The following CALN1 variants were observed in gnomAD, a reference collection of about 807,000 sequenced individuals.
The protein encoded by CALN1 is calcium-binding protein 8.
In CALN1, 17 loss-of-function variants were observed where a neutral mutation model predicts 30.6. The observed-to-expected ratio is 0.56, with a 90% CI of 0.38 to 0.83. The LOEUF (loss-of-function observed/expected upper bound fraction) is 0.83. CALN1 is among the 40% of genes least tolerant of loss of function. CALN1 has a pLI of 0.00. For synonymous variants in CALN1, 156 were observed against 131.4 expected, an observed-to-expected ratio of 1.19 and a Z score of -1.28; for missense variants, 291 against 354.9, an observed-to-expected ratio of 0.82 and a Z score of 1.45.
intron 5 of CALN1, among the ~76,000 whole-genome samples, chr7:71,817,691 T>A (rs959313337): frequency 1.3e-5 from 2 of 151,996 alleles, no homozygotes; most frequent in Non-Finnish European, 2.9e-5. Context: ...AATTTTTGCA[T>A]TTTTAGTAGA....
intron 2 of CALN1, among the ~76,000 whole-genome samples, chr7:72,380,925 G>A (rs1804861493): frequency 6.6e-6 from 1 of 152,156 alleles, no homozygotes; most frequent in Admixed American, 6.5e-5. Context: ...GCCTTTGTGA[G>A]ACTGGGGCAG....
At chr7:71,821,910 C>T (rs981375239) in intron 5 of CALN1, among the ~76,000 whole-genome samples, 2 of 151,552 alleles carry the variant, frequency 1.3e-5, no homozygotes, top group African/African-American at 4.9e-5. Flanking sequence ...ACCTCAGCCT[C>T]CTGAGTAGCT....
At chr7:72,154,664 C>T (rs566898330) in intron 3 of CALN1, among the ~76,000 whole-genome samples, 14 of 152,258 alleles carry the variant, frequency 9.2e-5, no homozygotes, top group Admixed American at 2.0e-4. Flanking sequence ...AAGTCCTAAC[C>T]TCCAGCAGGG....
At chr7:72,051,847 G>C (rs1448343050) in intron 4 of CALN1, among the ~76,000 whole-genome samples, 1 of 152,176 alleles carries the variant, frequency 6.6e-6, no homozygotes, top group Admixed American at 6.5e-5. Context: ...GAAAATACTA[G>C]ATTCCTTCAG....
At chr7:71,970,584 C>CT (rs201279221) in intron 5 of CALN1, among the ~76,000 whole-genome samples, 379 of 143,644 alleles carry the variant, frequency 2.6e-3, no homozygotes, top group East Asian at 4.9e-3. Flanking sequence ...CAAAATATAC[C>CT]TTTTTTTTTT....
chr7:72,038,577 C>A (rs1176942888), intron 4 of CALN1, among the ~76,000 whole-genome samples: 1 of 151,972 alleles, frequency 6.6e-6, no homozygotes, highest in Non-Finnish European at 1.5e-5. Flanking sequence ...AGGCTGAAAC[C>A]CTCTGTGCTG....
chr7:72,227,109 G>C (rs1019344683), intron 3 of CALN1, among the ~76,000 whole-genome samples: 7 of 152,024 alleles, frequency 4.6e-5, no homozygotes, highest in Admixed American at 2.6e-4. Context: ...AGGGTTGAAA[G>C]ACTACTTATT....
chr7:72,012,771 A>G (rs759588493), intron 5 of CALN1, among the ~76,000 whole-genome samples: 19 of 152,102 alleles, frequency 1.2e-4, no homozygotes, highest in Non-Finnish European at 1.9e-4. Context: ...TGGCAGCTGC[A>G]TTAATTTTGA....
chr7:72,155,897 C>T (rs1787640474), intron 3 of CALN1, among the ~76,000 whole-genome samples: 1 of 152,142 alleles, frequency 6.6e-6, no homozygotes, highest in Non-Finnish European at 1.5e-5. Flanking sequence ...ATGGCTCCCT[C>T]CTCCACCTTC....
intron 5 of CALN1, among the ~76,000 whole-genome samples, chr7:71,969,777 GT>G (rs1178636578): frequency 6.6e-6 from 1 of 151,684 alleles, no homozygotes; most frequent in African/African-American, 2.4e-5. Context: ...ATTCTGACTT[GT>G]CCCATTGAAT....
intron 3 of CALN1, among the ~76,000 whole-genome samples, chr7:72,115,551 C>A (rs1037882371): frequency 1.5e-5 from 2 of 130,666 alleles, no homozygotes; most frequent in Non-Finnish European, 3.0e-5. Flanking sequence ...CACAGTGGTG[C>A]GATCTCGACT....
chr7:72,184,380 CTCA>C (rs920921010), intron 3 of CALN1, among the ~76,000 whole-genome samples: 2 of 152,170 alleles, frequency 1.3e-5, no homozygotes, highest in Non-Finnish European at 2.9e-5. Flanking sequence ...ACTACCCTCT[CTCA>C]TGTTGTAAGC....
intron 2 of CALN1, among the ~76,000 whole-genome samples, chr7:72,297,906 C>T (rs1798977008): frequency 6.6e-6 from 1 of 152,172 alleles, no homozygotes; most frequent in African/African-American, 2.4e-5. Context: ...GAGTCTGAAA[C>T]TCCCTTGATC....
chr7:72,368,864 G>A (rs961239281), intron 2 of CALN1, among the ~76,000 whole-genome samples: 6 of 147,028 alleles, frequency 4.1e-5, no homozygotes, highest in Non-Finnish European at 5.9e-5. Flanking sequence ...GCCCAGGCTG[G>A]AGTGCAGCGG....
intron 5 of CALN1, among the ~76,000 whole-genome samples, chr7:71,931,311 G>A (rs780394820): frequency 6.6e-6 from 1 of 151,998 alleles, no homozygotes; most frequent in Non-Finnish European, 1.5e-5. Context: ...TGTCACCCAG[G>A]CTAGAGTGCA....
chr7:72,167,875 G>C (rs888445937), intron 3 of CALN1, among the ~76,000 whole-genome samples: 1 of 152,168 alleles, frequency 6.6e-6, no homozygotes, highest in African/African-American at 2.4e-5. Context: ...CATGTCAAGA[G>C]AGCAACAGCA....
rs562684207 is a variant in CALN1, at chr7:71,816,042, T to TC, written c.502-5551_502-5550insG. 3.6e-3 allele frequency among the ~76,000 whole-genome samples: 549 copies of TC among 151,832 alleles called. 4 individuals carry two copies. Among genetic ancestry groups the TC allele is most frequent in the African/African-American group, 0.012 (510 of 41,376 alleles). On this transcript the variant is annotated intron_variant, in intron 5 of 6. Coordinates refer to ENST00000395275, the MANE Select transcript of CALN1 (RefSeq NM_031468.4). ...ACCTGGCTAATTTTTTTTTTAATTT[T>TC]TTTTTTCTTTACAGAGAGAGTCTTG...
At chr7:71,973,867 C>T (rs775757528) in intron 5 of CALN1, among the ~76,000 whole-genome samples, 8 of 152,120 alleles carry the variant, frequency 5.3e-5, no homozygotes, top group Non-Finnish European at 7.4e-5. Flanking sequence ...TAAAAGGATG[C>T]TCTAATTATC....
chr7:72,088,554 C>T (rs1376407574), intron 4 of CALN1, among the ~76,000 whole-genome samples: 10 of 151,788 alleles, frequency 6.6e-5, no homozygotes, highest in Admixed American at 6.6e-4. Flanking sequence ...CAAAAATTAG[C>T]CAGGCATGGT....
Sources: gnomAD v4.1 joint callset for allele counts (sites outside exome capture counted in the v4.1 genomes callset) on GRCh38, gnomAD v4.1.1 for gene constraint, MANE v1.5 for transcripts, NCBI Gene and HGNC (gene_info 2026-07-23, HGNC 2026-07-21) for gene names.